Variants in SCAPER observed in about 807,000 individuals in gnomAD.
The protein encoded by SCAPER is S-phase cyclin A associated protein in the ER.
SCAPER carries 98 observed loss-of-function variants against 182.2 expected under a neutral mutation model. That is an observed-to-expected ratio of 0.54 (90% CI 0.46 to 0.64). The LOEUF (loss-of-function observed/expected upper bound fraction) is 0.64. Among genes scored for constraint, SCAPER ranks in the 30% least tolerant of loss-of-function variants. The pLI, the probability that SCAPER is intolerant of heterozygous loss-of-function variation, is 0.00. For missense variants in SCAPER, 1,432 were observed against 1,690.0 expected (o/e 0.85, Z 2.68); for synonymous variants, 605 against 564.6 (o/e 1.07, Z -1.01).
At position 76,672,382 on chromosome 15, in the gene SCAPER, AAAC is replaced by A. The variant is rs2057084150; in HGVS notation, c.2509-6596_2509-6594del. 3.3e-5 allele frequency among the ~76,000 whole-genome samples: 5 copies of A among 152,328 alleles called. No individual in the cohort carries two copies. The South Asian group carries it at 1.0e-3, about 32-fold the overall frequency. Reference sequence around the variant, plus strand: ...CAAATAAGCTGAATAGCAACCTTACAAACAACAACAAATCACATCAAAAACATG... The same window carrying A: ...CAAATAAGCTGAATAGCAACCTTACAAACAACAAATCACATCAAAAACATG... On this transcript the variant is annotated intron_variant, in intron 20 of 31. Transcript: ENST00000563290.
rs567472142 is a variant in SCAPER, at chr15:76,774,993, A to C, written c.897T>G (p.Asp299Glu). The change falls in exon 9 of 32, where the codon GAT (aspartate) becomes GAG (glutamate). Residue 299 changes from aspartate (D) to glutamate (E), a missense_variant. Around this residue, in one of 5 missense-constraint regions of SCAPER, gnomAD observed 480 missense variants for 510.2 expected, o/e 0.94. Transcript: ENST00000563290. The stretch of plus-strand genomic sequence containing the variant: ...CAGGTAAAAGACATACATTTTCTTT[A>C]TCACTGTCATCCTTTGATCTTGTGG... ...TEATRSKDDS[D>E]KENVCLLPDE... 40 of 1,613,736 alleles carry C rather than the reference A, an allele frequency of 2.5e-5. No individual in the cohort carries two copies. Among genetic ancestry groups the C allele is most frequent in the Non-Finnish European group, 3.1e-5 (37 of 1,179,790 alleles).
intron 17 of SCAPER, among the ~76,000 whole-genome samples, chr15:76,725,643 C>G (rs572978126): frequency 6.6e-6 from 1 of 152,114 alleles, no homozygotes; most frequent in South Asian, 2.1e-4. Flanking sequence ...TAAAAACAGA[C>G]ATGTATATAG....
At chr15:76,741,466 A>G (rs2061533642) in intron 15 of SCAPER, among the ~76,000 whole-genome samples, 1 of 152,148 alleles carries the variant, frequency 6.6e-6, no homozygotes, top group African/African-American at 2.4e-5. Context: ...AGGCATTACA[A>G]TACCCTCCAG....
intron 4 of SCAPER, among the ~76,000 whole-genome samples, chr15:76,848,691 A>C (rs973574780): frequency 3.3e-5 from 5 of 152,168 alleles, no homozygotes; most frequent in African/African-American, 1.2e-4. Flanking sequence ...ATCTAAAGGA[A>C]CATTAAATAA....
intron 8 of SCAPER, among the ~76,000 whole-genome samples, chr15:76,785,293 GATC>G (rs2064499193): frequency 6.6e-6 from 1 of 152,188 alleles, no homozygotes; most frequent in Admixed American, 6.5e-5. Flanking sequence ...CATCATCACT[GATC>G]ATCAGAGAAA....
chr15:76,735,336 A>G (rs959334864), intron 15 of SCAPER, among the ~76,000 whole-genome samples: 6 of 151,922 alleles, frequency 3.9e-5, no homozygotes, highest in African/African-American at 1.5e-4. Context: ...TCGCGCCACT[A>G]AACTCCAGTT....
At chr15:76,842,012 C>A in intron 4 of SCAPER, 81 bp from the exon 5 acceptor site, 1 of 1,259,172 alleles carries the variant, frequency 7.9e-7, no homozygotes, top group South Asian at 1.4e-5. Context: ...ATTCAATCAA[C>A]TACAAATCAA....
At chr15:76,534,713 G>A (rs1028162026) in intron 23 of SCAPER, among the ~76,000 whole-genome samples, 3 of 152,044 alleles carry the variant, frequency 2.0e-5, no homozygotes, top group Admixed American at 6.6e-5. Context: ...ATAAAAGTCC[G>A]ATAGGATGAA....
At chr15:76,438,014 G>T (rs1008331805) in intron 25 of SCAPER, among the ~76,000 whole-genome samples, 2 of 152,162 alleles carry the variant, frequency 1.3e-5, no homozygotes, top group African/African-American at 4.8e-5. Context: ...CGGGCACAGT[G>T]GCTCACGCCT....
chr15:76,608,953 C>G (rs1203892643), intron 22 of SCAPER, among the ~76,000 whole-genome samples: 1 of 152,132 alleles, frequency 6.6e-6, no homozygotes, highest in Non-Finnish European at 1.5e-5. Context: ...AAGGGAATTC[C>G]CTGACCCCTT....
rs912633110 is a variant in SCAPER, at chr15:76,665,715, A to T, written c.2583T>A (p.Asp861Glu). ...TTTTATTTTTTTGCCGCTCTTCTCCATCTTTCAAAGCTTCTGCTGGAGCTG... is the reference window on the plus strand; with the variant it reads ...TTTTATTTTTTTGCCGCTCTTCTCCTTCTTTCAAAGCTTCTGCTGGAGCTG... ...ESTAPAEALK[D>E]GEERQKNKKK... is the part of the protein sequence containing the mutation. The change falls in exon 21 of 32, where the codon GAT (aspartate) becomes GAA (glutamate). Residue 861 changes from aspartate (D) to glutamate (E), a missense_variant. Around this residue, in one of 5 missense-constraint regions of SCAPER, gnomAD observed 718 missense variants for 799.7 expected, o/e 0.90. Transcript: ENST00000563290. The T allele has an allele frequency of 4.5e-6, 7 of 1,565,688 alleles. No homozygotes were observed. The highest frequency in any genetic ancestry group is 6.1e-6 in the Non-Finnish European group (7 of 1,154,886).
At chr15:76,482,166 A>G (rs886502992) in intron 24 of SCAPER, among the ~76,000 whole-genome samples, 1 of 152,164 alleles carries the variant, frequency 6.6e-6, no homozygotes, top group African/African-American at 2.4e-5. Flanking sequence ...AAACTGTGAT[A>G]TTCAAATTCT....
intron 21 of SCAPER, among the ~76,000 whole-genome samples, chr15:76,645,099 T>C (rs1352450021): frequency 1.3e-5 from 2 of 152,162 alleles, no homozygotes; most frequent in Admixed American, 6.5e-5. Context: ...ACTATTTACA[T>C]AGCATATGCA....
chr15:76,615,478 TACACACACACACAGACACACACACAC>T (rs2051373861), intron 22 of SCAPER, among the ~76,000 whole-genome samples: 2 of 119,338 alleles, frequency 1.7e-5, no homozygotes, highest in Admixed American at 1.0e-4. Context: ...TATATATACA[TACACACACACACAGACACACACACAC>T]ACACACACAC....
intron 26 of SCAPER, among the ~76,000 whole-genome samples, chr15:76,406,410 C>G (rs182625274): frequency 6.6e-5 from 10 of 151,702 alleles, no homozygotes; most frequent in African/African-American, 2.4e-4. Context: ...CCCGGGAAGT[C>G]GAAGTTGCAG....
intron 20 of SCAPER, among the ~76,000 whole-genome samples, chr15:76,687,411 A>G (rs2058090796): frequency 6.6e-6 from 1 of 152,200 alleles, no homozygotes; most frequent in Admixed American, 6.5e-5. Context: ...ATTAAAAATC[A>G]AAGAATAGTC....
intron 24 of SCAPER, among the ~76,000 whole-genome samples, chr15:76,478,840 G>A (rs2050865553): frequency 6.6e-6 from 1 of 151,972 alleles, no homozygotes; most frequent in African/African-American, 2.4e-5. Context: ...ATATTTCGGG[G>A]TATTAAATTA....
intron 2 of SCAPER, among the ~76,000 whole-genome samples, chr15:76,879,962 G>T (rs1029953539): frequency 5.3e-5 from 8 of 152,190 alleles, no homozygotes; most frequent in African/African-American, 1.9e-4. Context: ...GTAGGATGGT[G>T]TCTGGCACAT....
chr15:76,433,334 C>T (rs1403478612), intron 26 of SCAPER, among the ~76,000 whole-genome samples: 2 of 152,082 alleles, frequency 1.3e-5, no homozygotes, highest in African/African-American at 2.4e-5. Context: ...ATGGTGAAAC[C>T]TTATCTCTAC....
Sources: allele counts gnomAD v4.1 joint callset (sites outside exome capture counted in the v4.1 genomes callset), GRCh38; gene constraint gnomAD v4.1.1; regional missense constraint gnomAD v4.1.1; transcripts MANE v1.5; gene names NCBI Gene and HGNC (gene_info 2026-07-23, HGNC 2026-07-21).